LRRTM3: variants seen among roughly 807,000 people sequenced by gnomAD.
LRRTM3 encodes leucine rich repeat transmembrane neuronal 3.
In LRRTM3, 24 loss-of-function variants were observed where a neutral mutation model predicts 44.7. That is an observed-to-expected ratio of 0.54 (90% CI 0.39 to 0.76). The LOEUF is 0.76. Ranked by LOEUF, LRRTM3 falls within the 30% of genes least tolerant of loss-of-function variation. LRRTM3 has a pLI of 0.00. For missense variants in LRRTM3, 587 were observed against 702.2 expected (o/e 0.84, Z 1.85); for synonymous variants, 277 against 278.7 (o/e 0.99, Z 0.06).
At chr10:66,982,845 G>A (rs1026664422) in intron 2 of LRRTM3, among the ~76,000 whole-genome samples, 3 of 152,182 alleles carry the variant, frequency 2.0e-5, no homozygotes, top group Admixed American at 6.5e-5. Flanking sequence ...GACCCTAAGA[G>A]AGAAGCTGAA....
chr10:67,086,836 ATAATG>A (rs964256096), intron 2 of LRRTM3, among the ~76,000 whole-genome samples: 4 of 152,042 alleles, frequency 2.6e-5, no homozygotes, highest in Admixed American at 1.3e-4. Flanking sequence ...AATTTTTAAT[ATAATG>A]TAATTTTCAT....
intron 2 of LRRTM3, among the ~76,000 whole-genome samples, chr10:67,001,078 G>A (rs990438131): frequency 2.6e-5 from 4 of 151,944 alleles, no homozygotes; most frequent in Non-Finnish European, 4.4e-5. Flanking sequence ...CGAGGTGGGT[G>A]GATCATGAGG....
chr10:66,956,888 A>G lies in LRRTM3; in HGVS notation c.1536+28436A>G, dbSNP rs1298980889. On this transcript the variant is annotated intron_variant, in intron 2 of 2. Coordinates refer to ENST00000361320, the MANE Select transcript of LRRTM3 (RefSeq NM_178011.5). ...AAGGGCCTCATCCTCCTACGGGACA[A>G]AAAGAGTTTAGAAGCTTTTTGGGGA... 2.6e-5 allele frequency among the ~76,000 whole-genome samples: 4 copies of G among 152,204 alleles called. No homozygotes were observed. The East Asian group carries it at 5.8e-4, about 22-fold the overall frequency.
rs560263701 is a variant in LRRTM3, at chr10:66,995,417, G to A, written c.1536+66965G>A. ...ATCTCTTACATGGCCCATGGTAGCA[G>A]TCAGCTAGCAGGACCCCCTGCTTCT... On this transcript the variant is annotated intron_variant, in intron 2 of 2. Transcript: ENST00000361320. 4.5e-4 allele frequency among the ~76,000 whole-genome samples: 68 copies of A among 152,276 alleles called. 1 individual carries two copies. Among genetic ancestry groups the A allele is most frequent in the Admixed American group, 4.4e-3 (68 of 15,298 alleles).
At chr10:67,089,254 G>C (rs1458435783) in intron 2 of LRRTM3, among the ~76,000 whole-genome samples, 1 of 151,984 alleles carries the variant, frequency 6.6e-6, no homozygotes, top group Non-Finnish European at 1.5e-5. Flanking sequence ...TAAAAATTAA[G>C]TACCAGGGCC....
rs1427105596 is a variant in LRRTM3 at position 66,928,166 on chromosome 10, T to C, written c.1250T>C (p.Phe417Ser). The change falls in exon 2 of 3, where the codon TTC (phenylalanine) becomes TCC (serine). Residue 417 changes from phenylalanine to serine, a missense_variant. Physicochemically the swap from Phe to Ser is radical, Grantham distance 155 (BLOSUM62 -2). Coordinates refer to ENST00000361320, the MANE Select transcript of LRRTM3 (RefSeq NM_178011.5). Reference protein sequence around the residue: ...ETDADAEHISFHKIIAGSVAL... With the variant: ...ETDADAEHISSHKIIAGSVAL... Reference sequence around the variant, plus strand: ...GATGCTGACGCCGAGCACATCTCTTTCCATAAAATCATCGCGGGCAGCGTG... The same window carrying C: ...GATGCTGACGCCGAGCACATCTCTTCCCATAAAATCATCGCGGGCAGCGTG... 15 of 1,613,960 alleles carry C rather than the reference T, an allele frequency of 9.3e-6. No individual in the cohort carries two copies. The highest frequency in any genetic ancestry group is 1.3e-5 in the Non-Finnish European group (15 of 1,180,042).
intron 2 of LRRTM3, among the ~76,000 whole-genome samples, chr10:66,946,517 T>C (rs1356263448): frequency 2.6e-5 from 4 of 152,120 alleles, no homozygotes; most frequent in Non-Finnish European, 1.5e-5. Flanking sequence ...CAGCAGTGTT[T>C]CAAAGCCCCC....
intron 2 of LRRTM3, among the ~76,000 whole-genome samples, chr10:66,962,401 T>A (rs1212151569): frequency 7.2e-6 from 1 of 138,896 alleles, no homozygotes; most frequent in Admixed American, 7.1e-5. Flanking sequence ...TTTGTTTTGT[T>A]TTTTGTTTTT....
At chr10:66,937,352 T>A (rs183738048) in intron 2 of LRRTM3, among the ~76,000 whole-genome samples, 1 of 152,290 alleles carries the variant, frequency 6.6e-6, no homozygotes, top group African/African-American at 2.4e-5. Flanking sequence ...ATTTCATATA[T>A]AATCTAATAC....
chr10:67,003,161 A>G (rs1422013243), intron 2 of LRRTM3, among the ~76,000 whole-genome samples: 1 of 152,152 alleles, frequency 6.6e-6, no homozygotes, highest in Non-Finnish European at 1.5e-5. Flanking sequence ...TTCATTCCTT[A>G]CCAGGATGCC....
intron 2 of LRRTM3, among the ~76,000 whole-genome samples, chr10:66,965,776 T>C (rs959605664): frequency 3.3e-5 from 5 of 152,152 alleles, no homozygotes; most frequent in African/African-American, 4.8e-5. Context: ...TTTCAAAGGA[T>C]ACTTGATATA....
intron 2 of LRRTM3, among the ~76,000 whole-genome samples, chr10:67,050,133 A>C (rs1163267783): frequency 6.6e-6 from 1 of 152,232 alleles, no homozygotes; most frequent in East Asian, 1.9e-4. Flanking sequence ...GATTTCTTGC[A>C]CTAAACTTTT....
chr10:66,942,817 A>G (rs1252899008), intron 2 of LRRTM3, among the ~76,000 whole-genome samples: 2 of 152,228 alleles, frequency 1.3e-5, no homozygotes, highest in Non-Finnish European at 2.9e-5. Flanking sequence ...AGGCATTTAA[A>G]GGAAGAAAAC....
At chr10:66,940,047 G>A (rs1180493056) in intron 2 of LRRTM3, among the ~76,000 whole-genome samples, 1 of 151,998 alleles carries the variant, frequency 6.6e-6, no homozygotes, top group Non-Finnish European at 1.5e-5. Context: ...AAGAGGAACA[G>A]TAAAATAAGT....
chr10:67,014,679 C>G (rs932203043), intron 2 of LRRTM3, among the ~76,000 whole-genome samples: 18 of 151,972 alleles, frequency 1.2e-4, no homozygotes, highest in Admixed American at 9.8e-4. Flanking sequence ...ACTATTCTTT[C>G]ATTGAGATGA....
chr10:67,030,361 C>A (rs1166422247), intron 2 of LRRTM3, among the ~76,000 whole-genome samples: 1 of 151,934 alleles, frequency 6.6e-6, no homozygotes, highest in East Asian at 1.9e-4. Flanking sequence ...TTTTAAAAAC[C>A]CTCTTAATTA....
chr10:67,006,201 G>A lies in LRRTM3; in HGVS notation c.1536+77749G>A, dbSNP rs115173588. On this transcript the variant is annotated intron_variant, in intron 2 of 2. Coordinates refer to ENST00000361320, the MANE Select transcript of LRRTM3 (RefSeq NM_178011.5). ...GTGAAGCCACAAAGTCACAGAGACA[G>A]GAAGTGGCAGAGTCAGGATTTAAGT... Among the ~76,000 whole-genome samples, 866 of 152,182 alleles carry A rather than the reference G, an allele frequency of 5.7e-3. 6 individuals carry two copies. Among genetic ancestry groups the A allele is most frequent in the African/African-American group, 0.02 (821 of 41,526 alleles).
rs988075198 is a variant in LRRTM3, at chr10:67,100,209, A to C, written c.*2413A>C. 2.6e-5 allele frequency among the ~76,000 whole-genome samples: 4 copies of C among 151,694 alleles called. No individual in the cohort carries two copies. The highest frequency in any genetic ancestry group is 9.7e-5 in the African/African-American group (4 of 41,360). ...TGAAGGAAACCACTTTCTTTCTTAA[A>C]TATTTTAAATTCATCTAAAGTGAAC... On this transcript the variant is annotated 3_prime_UTR_variant, in exon 3 of 3. Transcript: ENST00000361320.
At chr10:66,941,695 A>G (rs1160319158) in intron 2 of LRRTM3, among the ~76,000 whole-genome samples, 1 of 152,218 alleles carries the variant, frequency 6.6e-6, no homozygotes, top group African/African-American at 2.4e-5. Context: ...TAACAGCTGC[A>G]GCCTTGACCG....
Sources: allele counts gnomAD v4.1 joint callset (sites outside exome capture counted in the v4.1 genomes callset), GRCh38; gene constraint gnomAD v4.1.1; transcripts MANE v1.5; gene names NCBI Gene and HGNC (gene_info 2026-07-23, HGNC 2026-07-21).